JMJD1C: variants seen among roughly 807,000 people sequenced by gnomAD.
JMJD1C encodes jumonji domain-containing protein 1C.
A neutral mutation model predicts 245.3 loss-of-function variants in JMJD1C; 31 were observed. That is an observed-to-expected ratio of 0.13 (90% CI 0.09 to 0.17). The LOEUF is 0.17. JMJD1C is among the 10% of genes least tolerant of loss of function. JMJD1C has a pLI of 1.00. For synonymous variants in JMJD1C, 1,057 were observed against 1,017.4 expected (o/e 1.04, Z -0.74); for missense variants, 2,691 against 3,000.2 (o/e 0.90, Z 2.41).
intron 3 of JMJD1C, among the ~76,000 whole-genome samples, chr10:63,243,470 G>C (rs967522506): frequency 6.6e-6 from 1 of 152,068 alleles, no homozygotes; most frequent in Non-Finnish European, 1.5e-5. Context: ...AAGTTGCGCT[G>C]AGCCGAGATC....
At chr10:63,178,586 T>TA (rs1843083267) in intron 22 of JMJD1C, among the ~76,000 whole-genome samples, 1 of 152,236 alleles carries the variant, frequency 6.6e-6, no homozygotes, top group African/African-American at 2.4e-5. Flanking sequence ...TGAAAGGTTT[T>TA]ACTCATTACC....
At chr10:63,299,508 G>C (rs961531552) in intron 2 of JMJD1C, among the ~76,000 whole-genome samples, 1 of 151,950 alleles carries the variant, frequency 6.6e-6, no homozygotes, top group African/African-American at 2.4e-5. Context: ...TCTTATTATA[G>C]TTTCTCAGCA....
intron 1 of JMJD1C, among the ~76,000 whole-genome samples, chr10:63,412,232 A>G (rs1949529674): frequency 6.6e-6 from 1 of 152,124 alleles, no homozygotes; most frequent in African/African-American, 2.4e-5. Flanking sequence ...ACAATGACAT[A>G]AAGTCAATTA....
chr10:63,435,528 A>G (rs1345306202), intron 1 of JMJD1C, among the ~76,000 whole-genome samples: 1 of 152,158 alleles, frequency 6.6e-6, no homozygotes, highest in Middle Eastern at 3.2e-3. Context: ...ATTAATATGT[A>G]TTTCTGAGTT....
intron 3 of JMJD1C, among the ~76,000 whole-genome samples, chr10:63,254,459 T>C (rs1031192317): frequency 6.6e-6 from 1 of 152,144 alleles, no homozygotes; most frequent in African/African-American, 2.4e-5. Flanking sequence ...GAGAATGATA[T>C]GTAAATAGGA....
At chr10:63,420,467 G>A (rs1950056054) in intron 1 of JMJD1C, among the ~76,000 whole-genome samples, 2 of 152,034 alleles carry the variant, frequency 1.3e-5, no homozygotes, top group South Asian at 2.1e-4. Context: ...GGAGGCAGAG[G>A]CAGGTGTAGC....
chr10:63,515,578 C>G (rs374565873), intron 1 of JMJD1C, among the ~76,000 whole-genome samples: 1 of 152,172 alleles, frequency 6.6e-6, no homozygotes. Flanking sequence ...TTCTGATCCT[C>G]GGTTTCTGCT....
chr10:63,286,063 G>A (rs995899586), intron 2 of JMJD1C, among the ~76,000 whole-genome samples: 5 of 152,156 alleles, frequency 3.3e-5, no homozygotes, highest in African/African-American at 1.2e-4. Context: ...GTGGGGTCCA[G>A]CAATCTGTGC....
chr10:63,351,817 A>G (rs1486643409), intron 2 of JMJD1C, among the ~76,000 whole-genome samples: 1 of 152,196 alleles, frequency 6.6e-6, no homozygotes, highest in Non-Finnish European at 1.5e-5. Flanking sequence ...AAAATCCTTG[A>G]ATGCCGTAAC....
intron 2 of JMJD1C, among the ~76,000 whole-genome samples, chr10:63,341,360 G>C (rs1236156075): frequency 2.0e-5 from 3 of 152,178 alleles, no homozygotes; most frequent in African/African-American, 7.2e-5. Context: ...ATGTTGTGGC[G>C]TTACTGCCCT....
At chr10:63,343,738 A>T (rs915935057) in intron 2 of JMJD1C, among the ~76,000 whole-genome samples, 2 of 152,168 alleles carry the variant, frequency 1.3e-5, no homozygotes, top group African/African-American at 4.8e-5. Flanking sequence ...ATTATTTTTA[A>T]AAAAAATTAA....
In JMJD1C at chr10:63,356,241, T is replaced by A. The variant is rs575886451; in HGVS notation, c.333+24077A>T. 2.6e-5 allele frequency among the ~76,000 whole-genome samples: 4 copies of A among 152,234 alleles called. No individual in the cohort carries two copies. In the South Asian group the frequency reaches 6.2e-4, roughly 24 times the overall value. On this transcript the variant is annotated intron_variant, in intron 2 of 25. Coordinates refer to ENST00000399262, the MANE Select transcript of JMJD1C (RefSeq NM_032776.3). The stretch of plus-strand genomic sequence containing the variant: ...TCTACTACAAAGTAGAAGACAAACT[T>A]TACCTACAAACACAACGTTATGTCT...
At chr10:63,199,303 T>C (rs1845771015) in intron 11 of JMJD1C, among the ~76,000 whole-genome samples, 1 of 152,182 alleles carries the variant, frequency 6.6e-6, no homozygotes. Flanking sequence ...GAGAAGTTTA[T>C]GGTAAACGGA....
At chr10:63,282,081 T>C (rs567589328) in intron 2 of JMJD1C, among the ~76,000 whole-genome samples, 33 of 152,316 alleles carry the variant, frequency 2.2e-4, no homozygotes, top group Admixed American at 1.3e-3. Flanking sequence ...TCTTAGAAAC[T>C]TGAATAAGAC....
intron 1 of JMJD1C, among the ~76,000 whole-genome samples, chr10:63,387,396 T>C (rs1030169974): frequency 6.6e-6 from 1 of 151,896 alleles, no homozygotes; most frequent in Non-Finnish European, 1.5e-5. Flanking sequence ...TCTGTTACAC[T>C]GAGACACAAA....
chr10:63,410,469 A>G (rs1374550547), intron 1 of JMJD1C, among the ~76,000 whole-genome samples: 1 of 152,188 alleles, frequency 6.6e-6, no homozygotes. Flanking sequence ...GATAATATCT[A>G]TAAATGTCAG....
At chr10:63,482,911 CT>C (rs1016945470) in intron 1 of JMJD1C, among the ~76,000 whole-genome samples, 1 of 152,074 alleles carries the variant, frequency 6.6e-6, no homozygotes, top group African/African-American at 2.4e-5. Context: ...AGCCCGTTTG[CT>C]TTTTTAAGAA....
chr10:63,244,130 G>C lies in JMJD1C; in HGVS notation c.447+20521C>G, dbSNP rs560523156. On this transcript the variant is annotated intron_variant, in intron 3 of 25. Transcript: ENST00000399262. ...AAGCAGAGAAGGACTACCATCCCCAGTCCTGGAAACTCTGCTCCATAAATT... is the reference window on the plus strand; with the variant it reads ...AAGCAGAGAAGGACTACCATCCCCACTCCTGGAAACTCTGCTCCATAAATT... 1.4e-4 allele frequency among the ~76,000 whole-genome samples: 21 copies of C among 152,296 alleles called. No homozygotes were observed. In the East Asian group the frequency reaches 2.3e-3, roughly 17 times the overall value.
intron 2 of JMJD1C, among the ~76,000 whole-genome samples, chr10:63,304,828 T>C (rs967399737): frequency 1.1e-4 from 16 of 152,092 alleles, no homozygotes; most frequent in African/African-American, 2.7e-4. Flanking sequence ...AATTGGTAAA[T>C]AGCCAACTAA....
Sources: allele counts gnomAD v4.1 joint callset (sites outside exome capture counted in the v4.1 genomes callset), GRCh38; gene constraint gnomAD v4.1.1; transcripts MANE v1.5; gene names NCBI Gene and HGNC (gene_info 2026-07-23, HGNC 2026-07-21).